Variants in ZNF592 observed in about 807,000 individuals in gnomAD.
ZNF592 encodes spinocerebellar ataxia, autosomal recessive 5.
ZNF592 carries 11 observed loss-of-function variants against 80.3 expected under a neutral mutation model. The observed-to-expected ratio is 0.14, with a 90% CI of 0.09 to 0.23. The LOEUF is 0.23. ZNF592 is among the 10% of genes least tolerant of loss of function. The pLI, the probability that ZNF592 is intolerant of heterozygous loss-of-function variation, is 1.00. For missense variants in ZNF592, 1,420 were observed against 1,633.9 expected, an observed-to-expected ratio of 0.87 and a Z score of 2.26; for synonymous variants, 646 against 640.3, an observed-to-expected ratio of 1.01 and a Z score of -0.13.
At position 84,790,085 on chromosome 15, in the gene ZNF592, C is replaced by T. The variant is rs540393529; in HGVS notation, c.2221-620C>T. On this transcript the variant is annotated intron_variant, in intron 4 of 10. Coordinates refer to ENST00000560079, the MANE Select transcript of ZNF592 (RefSeq NM_014630.3). ...TGTGGCTCAGGGAACCCCCGCCACC[C>T]ATCCCACCCCCCAACCCCCACCCCC... 6.9e-5 allele frequency among the ~76,000 whole-genome samples: 10 copies of T among 145,390 alleles called. No homozygotes were observed. In the South Asian group the frequency reaches 2.2e-3, roughly 33 times the overall value.
chr15:84,766,638 G>A (rs753661936), intron 2 of ZNF592, among the ~76,000 whole-genome samples: 41 of 151,766 alleles, frequency 2.7e-4, no homozygotes, highest in Non-Finnish European at 3.8e-4. Context: ...AGAGAGGACA[G>A]GGGAAGAGAA....
chr15:84,750,821 G>A (rs1898992315), intron 1 of ZNF592, among the ~76,000 whole-genome samples: 1 of 152,134 alleles, frequency 6.6e-6, no homozygotes, highest in South Asian at 2.1e-4. Context: ...TGGGGCTGGA[G>A]GGGGAAAGGG....
At chr15:84,763,082 G>T (rs1899399367) in intron 1 of ZNF592, among the ~76,000 whole-genome samples, 1 of 152,190 alleles carries the variant, frequency 6.6e-6, no homozygotes, top group African/African-American at 2.4e-5. Context: ...AGTGTGTTGG[G>T]AAACTTGAAA....
chr15:84,803,695 T>C lies in ZNF592; in HGVS notation c.*1302T>C, dbSNP rs562410214. The C allele has an allele frequency of 4.9e-4, 74 of 152,378 alleles. 1 individual carries two copies. The highest frequency in any genetic ancestry group is 1.5e-3 in the African/African-American group (64 of 41,582). The allele number at this position is 152,378 out of a possible 1,614,324, so 9.4% of individuals were successfully genotyped here. A position where few individuals can be genotyped will look rare whatever the true frequency, so the allele number is the denominator to read the frequency against. On this transcript the variant is annotated 3_prime_UTR_variant, in exon 11 of 11. Coordinates refer to ENST00000560079, the MANE Select transcript of ZNF592 (RefSeq NM_014630.3). ...GAAGAGGAATTTTATAATTTTCTTA[T>C]AGCATTCAAGAGGTTTCTTATTTCT...
Position 84,799,864 on chromosome 15 carries a change from A to C in ZNF592, c.3160A>C (p.Ser1054Arg), listed in dbSNP as rs751968107. Residue 1054 changes from serine to arginine, a missense_variant, in exon 10 of 11, where the codon AGC (serine) becomes CGC (arginine). Physicochemically the swap from Ser to Arg is moderately radical, Grantham distance 110. This residue lies in a region of ZNF592 where 331 missense variants were observed against 347.0 expected (regional missense o/e 0.95). Coordinates refer to ENST00000560079, the MANE Select transcript of ZNF592 (RefSeq NM_014630.3). The surrounding 1 kb of genome is among the most constrained non-coding windows in gnomAD (Gnocchi z 4.2). ...TCGYCTEDSP[S>R]FPRPSLLESH... ...CAGGTACTGCACAGAGGACAGCCCC[A>C]GCTTTCCTCGGCCCTCCCTTCTGGA... 1 of 1,614,136 alleles carries C rather than the reference A, an allele frequency of 6.2e-7. No homozygotes were observed. The highest frequency in any genetic ancestry group is 8.5e-7 in the Non-Finnish European group (1 of 1,180,014).
chr15:84,766,864 T>A (rs1382724534), intron 2 of ZNF592, among the ~76,000 whole-genome samples: 1 of 152,136 alleles, frequency 6.6e-6, no homozygotes, highest in Non-Finnish European at 1.5e-5. Context: ...AGTAATAGCA[T>A]GCTCCTCGTG....
Position 84,784,595 on chromosome 15 carries a change from G to A in ZNF592, c.1920G>A (p.Lys640=). The change falls in exon 4 of 11, where the codon AAG becomes AAA. Residue 640 remains lysine (K), a synonymous_variant. Coordinates refer to ENST00000560079, the MANE Select transcript of ZNF592 (RefSeq NM_014630.3). This position sits in a 1 kb window ranked among gnomAD's most constrained non-coding sequence, Gnocchi z 5.8. ...CSLLRHARDH[K]SKGLVMQCSQ... ...TGCTCCGGCACGCCCGTGACCACAA[G>A]AGCAAGGGGCTCGTCATGCAGTGTT... The A allele has an allele frequency of 2.5e-6, 4 of 1,614,182 alleles. No homozygotes were observed. The highest frequency in any genetic ancestry group is 3.4e-6 in the Non-Finnish European group (4 of 1,180,036).
chr15:84,780,897 A>G (rs1962402332), intron 3 of ZNF592, among the ~76,000 whole-genome samples: 1 of 152,106 alleles, frequency 6.6e-6, no homozygotes, highest in Admixed American at 6.6e-5. Context: ...AATCATTTTC[A>G]TTTTTTAAAA....
rs779865650 is a variant in ZNF592, at chr15:84,784,048, C to T, written c.1373C>T (p.Ser458Leu). ...GDESMTKASD[S>L]SSPSCSSGPR... is the part of the protein sequence containing the mutation. ...GAGAGCATGACAAAGGCCAGTGACT[C>T]GTCATCTCCCAGCTGCAGTTCTGGG... is the stretch of plus-strand genomic sequence containing the variant. The change falls in exon 4 of 11, where the codon TCG (serine) becomes TTG (leucine). Residue 458 changes from serine to leucine, a missense_variant. Transcript: ENST00000560079. The surrounding 1 kb of genome is among the most constrained non-coding windows in gnomAD (Gnocchi z 5.8). 6.2e-6 allele frequency: 10 copies of T among 1,612,762 alleles called. No individual in the cohort carries two copies. Among genetic ancestry groups the T allele is most frequent in the East Asian group, 4.5e-5 (2 of 44,844 alleles).
chr15:84,798,433 C>T lies in ZNF592; in HGVS notation c.2695C>T (p.Leu899Phe), dbSNP rs764654121. 6.2e-7 allele frequency: 1 copy of T among 1,614,130 alleles called. No individual in the cohort carries two copies. The highest frequency in any genetic ancestry group is 1.1e-5 in the South Asian group (1 of 91,080). Reference sequence around the variant, plus strand: ...CGTCTTCAAGTGCCCTGAGTGCCCACTCTTGTTCGTGCAGAAGCCGGAGTT... The same window carrying T: ...CGTCTTCAAGTGCCCTGAGTGCCCATTCTTGTTCGTGCAGAAGCCGGAGTT... ...VGVFKCPECP[L>F]LFVQKPELMQ... The change falls in exon 7 of 11, where the codon CTC (leucine) becomes TTC (phenylalanine). Residue 899 changes from leucine to phenylalanine, a missense_variant. Leu to Phe is a conservative substitution (Grantham distance 22). Coordinates refer to ENST00000560079, the MANE Select transcript of ZNF592 (RefSeq NM_014630.3). This position sits in a 1 kb window ranked among gnomAD's most constrained non-coding sequence, Gnocchi z 4.5.
intron 1 of ZNF592, among the ~76,000 whole-genome samples, chr15:84,756,283 A>G (rs1310666186): frequency 6.6e-6 from 1 of 152,252 alleles, no homozygotes; most frequent in East Asian, 1.9e-4. Context: ...TTGGCAAGCT[A>G]GAGCCAATGT....
At position 84,790,898 on chromosome 15, in the gene ZNF592, G is replaced by A; in HGVS notation, c.2399+15G>A. ...GTGGGCTACAGGTGGGTGCTGCCTG[G>A]CTTGCTGTCCTGGTATTGCCCAATG... On this transcript the variant is annotated intron_variant, in intron 5 of 10. Transcript: ENST00000560079. 3.1e-6 allele frequency: 5 copies of A among 1,614,148 alleles called. No individual in the cohort carries two copies. The highest frequency in any genetic ancestry group is 4.2e-6 in the Non-Finnish European group (5 of 1,180,034).
chr15:84,801,755 A>G lies in ZNF592; in HGVS notation c.3274-108A>G, dbSNP rs998182749. ...TAAACCAGCGTTCAGGGCTGGGGTG[A>G]CCCTGGCCTGGGTGGTGCTTTCTTT... On this transcript the variant is annotated intron_variant, in intron 10 of 10. Transcript: ENST00000560079. 36 of 1,535,920 alleles carry G rather than the reference A, an allele frequency of 2.3e-5. No individual in the cohort carries two copies. In the Admixed American group the frequency reaches 6.2e-4, roughly 26 times the overall value.
intron 5 of ZNF592, among the ~76,000 whole-genome samples, chr15:84,796,798 A>G (rs1017011882): frequency 6.6e-6 from 1 of 152,238 alleles, no homozygotes; most frequent in African/African-American, 2.4e-5. Context: ...CACCAGGAAG[A>G]CATCACAGCA....
Position 84,784,497 on chromosome 15 carries a change from C to T in ZNF592, c.1822C>T (p.Arg608Trp), listed in dbSNP as rs748341387. ...LEKSLSQHYG[R>W]RSVHIEVLCT... ...GAAGAGCCTGAGCCAGCACTATGGC[C>T]GGCGGAGCGTCCACATTGAGGTACT... The change falls in exon 4 of 11, where the codon CGG becomes TGG. Residue 608 changes from arginine (R) to tryptophan (W), a missense_variant. This residue lies in a region of ZNF592 where 524 missense variants were observed against 628.3 expected (regional missense o/e 0.83). Coordinates refer to ENST00000560079, the MANE Select transcript of ZNF592 (RefSeq NM_014630.3). This position sits in a 1 kb window ranked among gnomAD's most constrained non-coding sequence, Gnocchi z 5.8. 1 of 1,614,196 alleles carries T rather than the reference C, an allele frequency of 6.2e-7. No individual in the cohort carries two copies. The highest frequency in any genetic ancestry group is 8.5e-7 in the Non-Finnish European group (1 of 1,180,030).
At chr15:84,756,516 C>G (rs1000618291) in intron 1 of ZNF592, among the ~76,000 whole-genome samples, 9 of 152,140 alleles carry the variant, frequency 5.9e-5, no homozygotes, top group African/African-American at 2.2e-4. Context: ...TGAGGCAGAG[C>G]TTTGGCATTT....
chr15:84,764,031 C>T (rs990107751), intron 1 of ZNF592, among the ~76,000 whole-genome samples: 10 of 152,212 alleles, frequency 6.6e-5, no homozygotes, highest in Non-Finnish European at 1.5e-4. Context: ...ATTCTCATCA[C>T]CTGCTCTGTG....
chr15:84,749,834 A>G (rs1378144916), intron 1 of ZNF592, among the ~76,000 whole-genome samples: 1 of 152,202 alleles, frequency 6.6e-6, no homozygotes, highest in African/African-American at 2.4e-5. Flanking sequence ...GTGTGGTGCT[A>G]GTGCGTCCAT....
intron 1 of ZNF592, 24 bp from the exon 2 acceptor site, chr15:84,764,683 A>T (rs532430023): frequency 1.2e-4 from 48 of 398,806 alleles, no homozygotes; most frequent in East Asian, 7.5e-4. Flanking sequence ...CTTAAAAAAA[A>T]TTTTGTTTTT....
Sources: gnomAD v4.1 joint callset for allele counts (sites outside exome capture counted in the v4.1 genomes callset) on GRCh38, gnomAD v4.1.1 for gene constraint, gnomAD v4.1.1 regional missense constraint, Gnocchi (gnomAD v3.1) non-coding constraint, MANE v1.5 for transcripts, NCBI Gene and HGNC (gene_info 2026-07-23, HGNC 2026-07-21) for gene names.